NBEA: variants seen among roughly 807,000 people sequenced by gnomAD.
The protein encoded by NBEA is neurobeachin.
Under a neutral mutation model 343.4 loss-of-function variants are expected in NBEA, and 44 were observed. The ratio of observed to expected loss-of-function variants is 0.13; its 90% CI spans 0.10 to 0.16. The LOEUF is 0.16. Among genes scored for constraint, NBEA ranks in the 10% least tolerant of loss-of-function variants. NBEA has a pLI of 1.00. For missense variants in NBEA, 2,555 were observed against 3,631.3 expected, an observed-to-expected ratio of 0.70 and a Z score of 7.62; for synonymous variants, 1,175 against 1,238.7, an observed-to-expected ratio of 0.95 and a Z score of 1.08.
At chr13:35,581,245 A>G (rs942126522) in intron 45 of NBEA, among the ~76,000 whole-genome samples, 1 of 152,054 alleles carries the variant, frequency 6.6e-6, no homozygotes, top group Admixed American at 6.6e-5. Flanking sequence ...CCAACAGTGT[A>G]AAAGTGTTCC....
At chr13:34,993,008 T>C (rs2060816874) in intron 1 of NBEA, among the ~76,000 whole-genome samples, 1 of 152,108 alleles carries the variant, frequency 6.6e-6, no homozygotes, top group African/African-American at 2.4e-5. Context: ...TAATGTGACT[T>C]CTGAGCCCTT....
chr13:34,977,114 A>G (rs1482121377), intron 1 of NBEA, among the ~76,000 whole-genome samples: 1 of 151,482 alleles, frequency 6.6e-6, no homozygotes, highest in Admixed American at 6.6e-5. Context: ...CAAATTTTGT[A>G]TTTTTAGTAG....
intron 48 of NBEA, among the ~76,000 whole-genome samples, chr13:35,621,538 T>G (rs1393625870): frequency 6.6e-6 from 1 of 152,150 alleles, no homozygotes; most frequent in Non-Finnish European, 1.5e-5. Flanking sequence ...ATTATGTTAG[T>G]TTTTGTTGGT....
chr13:34,958,736 G>A (rs1217744572), intron 1 of NBEA, among the ~76,000 whole-genome samples: 1 of 152,076 alleles, frequency 6.6e-6, no homozygotes, highest in Non-Finnish European at 1.5e-5. Context: ...AGTAAACTGA[G>A]AGTGTTTGGA....
chr13:35,080,206 A>T (rs2064317601), intron 10 of NBEA, among the ~76,000 whole-genome samples: 1 of 152,168 alleles, frequency 6.6e-6, no homozygotes, highest in South Asian at 2.1e-4. Flanking sequence ...TATCCAGAAC[A>T]TGCAGGTAAC....
intron 38 of NBEA, among the ~76,000 whole-genome samples, chr13:35,402,388 GA>G (rs773172780): frequency 1.3e-5 from 2 of 151,980 alleles, no homozygotes; most frequent in African/African-American, 2.4e-5. Flanking sequence ...GAATTTGGAA[GA>G]AAAAATATAA....
chr13:34,972,191 T>A (rs1454991882), intron 1 of NBEA, among the ~76,000 whole-genome samples: 1 of 152,096 alleles, frequency 6.6e-6, no homozygotes, highest in Non-Finnish European at 1.5e-5. Flanking sequence ...CCCTTACCAT[T>A]TCTTATTTTA....
At chr13:35,471,661 A>G (rs981895366) in intron 40 of NBEA, among the ~76,000 whole-genome samples, 2 of 152,182 alleles carry the variant, frequency 1.3e-5, no homozygotes, top group African/African-American at 4.8e-5. Context: ...AGGCACTTCT[A>G]GTGAAGCTGT....
At chr13:35,076,688 T>C (rs541193078) in intron 10 of NBEA, among the ~76,000 whole-genome samples, 210 of 152,214 alleles carry the variant, frequency 1.4e-3, no homozygotes, top group African/African-American at 5.0e-3. Context: ...CTACAAATTA[T>C]TCCTTGCAGA....
chr13:34,982,217 C>A (rs184791543), intron 1 of NBEA, among the ~76,000 whole-genome samples: 148 of 152,098 alleles, frequency 9.7e-4, no homozygotes, highest in African/African-American at 3.3e-3. Flanking sequence ...TGCTTTAGCT[C>A]ATTTTACAGA....
chr13:35,057,374 G>T (rs1362703705), intron 7 of NBEA, among the ~76,000 whole-genome samples: 4 of 152,042 alleles, frequency 2.6e-5, no homozygotes, highest in Non-Finnish European at 4.4e-5. Flanking sequence ...CCCTCCCCCT[G>T]TTTCTGGTTT....
chr13:35,432,239 A>G (rs771088195), intron 38 of NBEA, 30 bp from the exon 39 acceptor site: 1 of 1,558,136 alleles, frequency 6.4e-7, no homozygotes, highest in East Asian at 2.3e-5. Context: ...TGTTATTAAT[A>G]GGGATTACTT....
intron 36 of NBEA, among the ~76,000 whole-genome samples, chr13:35,311,406 G>A (rs2037358363): frequency 6.6e-6 from 1 of 151,962 alleles, no homozygotes; most frequent in Non-Finnish European, 1.5e-5. Context: ...TAAGATTATA[G>A]TAATAGGCTT....
At chr13:35,004,229 G>T (rs2061241501) in intron 1 of NBEA, among the ~76,000 whole-genome samples, 1 of 152,176 alleles carries the variant, frequency 6.6e-6, no homozygotes, top group Non-Finnish European at 1.5e-5. Context: ...GAATAGTGCT[G>T]CAGTGCACAC....
chr13:35,273,875 G>T (rs921389853), intron 34 of NBEA, among the ~76,000 whole-genome samples: 3 of 151,918 alleles, frequency 2.0e-5, no homozygotes, highest in African/African-American at 7.3e-5. Context: ...ATAATTAATA[G>T]CCTACCAACC....
chr13:34,949,017 C>T (rs2059272426), intron 1 of NBEA, among the ~76,000 whole-genome samples: 1 of 152,066 alleles, frequency 6.6e-6, no homozygotes, highest in African/African-American at 2.4e-5. Flanking sequence ...CTAAAGTTGG[C>T]AAGAGGAAAG....
intron 49 of NBEA, among the ~76,000 whole-genome samples, chr13:35,640,333 T>C (rs1043370191): frequency 6.6e-6 from 1 of 152,172 alleles, no homozygotes; most frequent in Non-Finnish European, 1.5e-5. Context: ...ATGTGTCACA[T>C]CATAGCTAAC....
intron 39 of NBEA, among the ~76,000 whole-genome samples, chr13:35,442,748 G>T (rs1410647032): frequency 6.6e-6 from 1 of 152,014 alleles, no homozygotes; most frequent in Non-Finnish European, 1.5e-5. Context: ...CGTTTTTGCT[G>T]TCAGAACCAA....
chr13:34,972,761 G>C (rs1475315101), intron 1 of NBEA, among the ~76,000 whole-genome samples: 6 of 152,090 alleles, frequency 3.9e-5, no homozygotes, highest in Admixed American at 3.9e-4. Flanking sequence ...CGATTGTAGA[G>C]TAAGTGCTGG....
Sources: gnomAD v4.1 joint callset for allele counts (sites outside exome capture counted in the v4.1 genomes callset) on GRCh38, gnomAD v4.1.1 for gene constraint, MANE v1.5 for transcripts, NCBI Gene and HGNC (gene_info 2026-07-23, HGNC 2026-07-21) for gene names.